The following RNF17 variants were observed in gnomAD, a reference collection of about 807,000 sequenced individuals.
RNF17 encodes spermatogenesis associated 23.
Under a neutral mutation model 200.5 loss-of-function variants are expected in RNF17, and 31 were observed. The ratio of observed to expected loss-of-function variants is 0.15; its 90% CI spans 0.12 to 0.21. The LOEUF is 0.21. RNF17 is among the 10% of genes least tolerant of loss of function. The probability of loss-of-function intolerance (pLI) is 1.00; values close to 1 mark genes in which losing one functional copy is unlikely to be tolerated. For missense variants in RNF17, 1,628 were observed against 1,905.1 expected (o/e 0.85, Z 2.71); for synonymous variants, 606 against 637.8 (o/e 0.95, Z 0.75).
chr13:24,807,379 T>C (rs1294985602), intron 15 of RNF17, among the ~76,000 whole-genome samples: 2 of 151,826 alleles, frequency 1.3e-5, no homozygotes, highest in Non-Finnish European at 3.0e-5. Context: ...TGGTTTTGAT[T>C]TGCATTTCTC....
chr13:24,882,265 C>T (rs1319680804), downstream of RNF17: 1 of 123,608 alleles, frequency 8.1e-6, no homozygotes, highest in Non-Finnish European at 1.8e-5. Context: ...TATATAGATA[C>T]ATCTGTACTT....
rs1555269383 is a variant in RNF17, at chr13:24,797,710, G to GTGTC, written c.1399+1418_1399+1419insCTGT. Among the ~76,000 whole-genome samples the GTGTC allele has an allele frequency of 4.1e-4, 61 of 147,838 alleles. 1 individual carries two copies. The highest frequency in any genetic ancestry group is 5.7e-4 in the Non-Finnish European group (38 of 66,788). ...AGAGAGAGAGAGAGACAAAGAGTGTGTGTGTGTGTGTGTGTGTGTGTGTGT... is the reference window on the plus strand; with the variant it reads ...AGAGAGAGAGAGAGACAAAGAGTGTGTGTCTGTGTGTGTGTGTGTGTGTGTGTGT... On this transcript the variant is annotated intron_variant, in intron 11 of 35. Coordinates refer to ENST00000255324, the MANE Select transcript of RNF17 (RefSeq NM_031277.3).
chr13:24,873,769 A>G (rs1337107111), intron 32 of RNF17, among the ~76,000 whole-genome samples: 1 of 151,950 alleles, frequency 6.6e-6, no homozygotes, highest in Non-Finnish European at 1.5e-5. Context: ...TGTTATCTTC[A>G]TGAGATCCAC....
At chr13:24,813,951 G>A (rs1313948556) in intron 15 of RNF17, among the ~76,000 whole-genome samples, 2 of 151,058 alleles carry the variant, frequency 1.3e-5, no homozygotes, top group South Asian at 2.1e-4. Flanking sequence ...CATGAGCCTC[G>A]ACACTCAGTC....
At chr13:24,831,627 T>TA (rs570081679) in intron 17 of RNF17, among the ~76,000 whole-genome samples, 109 of 152,334 alleles carry the variant, frequency 7.2e-4, no homozygotes, top group African/African-American at 2.5e-3. Context: ...GAATGCTTGT[T>TA]ATTCCAGTAT....
chr13:24,778,234 C>T (rs1881846458), intron 3 of RNF17, 61 bp from the exon 4 acceptor site: 2 of 1,158,448 alleles, frequency 1.7e-6, no homozygotes, highest in East Asian at 4.8e-5. Context: ...TGCACTCTGG[C>T]CTGGGTGACA....
At chr13:24,771,060 A>G (rs1181709799) in intron 2 of RNF17, among the ~76,000 whole-genome samples, 1 of 152,178 alleles carries the variant, frequency 6.6e-6, no homozygotes, top group Non-Finnish European at 1.5e-5. Context: ...TTGACTTATC[A>G]GTGCCTCTTC....
intron 11 of RNF17, among the ~76,000 whole-genome samples, chr13:24,798,279 T>G (rs1228376225): frequency 1.3e-5 from 2 of 152,162 alleles, no homozygotes; most frequent in Non-Finnish European, 2.9e-5. Flanking sequence ...GTTACGCCAT[T>G]TTGCTTAAAG....
intron 15 of RNF17, among the ~76,000 whole-genome samples, chr13:24,823,029 T>C (rs1011582853): frequency 6.6e-6 from 1 of 152,174 alleles, no homozygotes; most frequent in Non-Finnish European, 1.5e-5. Context: ...GGTATAGTGG[T>C]GATGAACTCC....
chr13:24,750,139 C>T, the RNF17 span, among the ~76,000 whole-genome samples: 1 of 152,162 alleles, frequency 6.6e-6, no homozygotes, highest in Non-Finnish European at 1.5e-5. Context: ...TGAAAATTCT[C>T]ATTAAATTTT....
At chr13:24,881,259 A>C (rs1593520082), downstream of RNF17, among the ~76,000 whole-genome samples, 1 of 151,326 alleles carries the variant, frequency 6.6e-6, no homozygotes, top group Admixed American at 6.6e-5. Context: ...CGATTGTCCT[A>C]CCTCCCAAGT....
At chr13:24,787,947 T>C in intron 6 of RNF17, 41 bp from the exon 7 acceptor site, 1 of 1,455,886 alleles carries the variant, frequency 6.9e-7, no homozygotes, top group South Asian at 1.5e-5. Context: ...CTATAAATAT[T>C]TATGAAATAC....
intron 23 of RNF17, 23 bp downstream of exon 23, chr13:24,850,466 T>A: frequency 7.3e-7 from 1 of 1,379,044 alleles, no homozygotes; most frequent in Non-Finnish European, 1.0e-6. Context: ...AAGAGATATG[T>A]GCTGATGATC....
chr13:24,759,449 C>T (rs1056119235), upstream of RNF17, among the ~76,000 whole-genome samples: 3 of 152,112 alleles, frequency 2.0e-5, no homozygotes. Context: ...TTTTCAGAAC[C>T]CTCAAGGTAT....
At chr13:24,757,703 T>C in the RNF17 span, among the ~76,000 whole-genome samples, 1 of 152,270 alleles carries the variant, frequency 6.6e-6, no homozygotes, top group African/African-American at 2.4e-5. Context: ...TATTTTGTTA[T>C]ATATTCAGTA....
chr13:24,870,468 TG>T, intron 31 of RNF17, 102 bp from the exon 32 acceptor site: 1 of 922,072 alleles, frequency 1.1e-6, no homozygotes, highest in Non-Finnish European at 1.7e-6. Context: ...TAGGGGTCTC[TG>T]GGAGCATCGC....
At chr13:24,827,574 C>T (rs1379701171) in intron 16 of RNF17, among the ~76,000 whole-genome samples, 3 of 150,338 alleles carry the variant, frequency 2.0e-5, no homozygotes, top group East Asian at 2.0e-4. Flanking sequence ...TAGTGGCGGG[C>T]GCCTGTAGTC....
At chr13:24,812,249 C>T (rs1037035122) in intron 15 of RNF17, among the ~76,000 whole-genome samples, 30 of 151,746 alleles carry the variant, frequency 2.0e-4, no homozygotes, top group Middle Eastern at 3.4e-3. Flanking sequence ...GCCTCGCTGC[C>T]GCCTTGCAGT....
chr13:24,886,380 C>T, the RNF17 span: 1 of 1,288,866 alleles, frequency 7.8e-7, no homozygotes. Flanking sequence ...GGCGGCTGTG[C>T]TGTGCCTGTG....
Sources: gnomAD v4.1 joint callset for allele counts (sites outside exome capture counted in the v4.1 genomes callset) on GRCh38, gnomAD v4.1.1 for gene constraint, MANE v1.5 for transcripts, NCBI Gene and HGNC (gene_info 2026-07-23, HGNC 2026-07-21) for gene names.